The following ATP13A2 variants were observed in gnomAD, a reference collection of about 807,000 sequenced individuals.
ATP13A2 encodes polyamine-transporting ATPase 13A2.
A neutral mutation model predicts 138.3 loss-of-function variants in ATP13A2; 83 were observed. The ratio of observed to expected loss-of-function variants is 0.60; its 90% CI spans 0.50 to 0.72. The LOEUF is 0.72. Ranked by LOEUF, ATP13A2 falls within the 30% of genes least tolerant of loss-of-function variation. The pLI is 0.00. For missense variants in ATP13A2, 1,402 were observed against 1,606.4 expected, an observed-to-expected ratio of 0.87 and a Z score of 2.17; for synonymous variants, 663 against 699.0, an observed-to-expected ratio of 0.95 and a Z score of 0.81.
At chr1:16,996,582 T>C in intron 12 of ATP13A2, 86 bp from the exon 13 acceptor site, 1 of 1,055,394 alleles carries the variant, frequency 9.5e-7, no homozygotes, top group Non-Finnish European at 1.5e-6. Flanking sequence ...CCCGTGCCTC[T>C]GGAGTTGCAA....
rs925873631 is a variant in ATP13A2 at position 16,986,117 on chromosome 1, C to A, written c.*104G>T. 9 of 1,587,148 alleles carry A rather than the reference C, an allele frequency of 5.7e-6. No individual in the cohort carries two copies. Among genetic ancestry groups the A allele is most frequent in the Non-Finnish European group, 7.7e-6 (9 of 1,168,022 alleles). On this transcript the variant is annotated 3_prime_UTR_variant, in exon 29 of 29. Coordinates refer to ENST00000326735, the MANE Select transcript of ATP13A2 (RefSeq NM_022089.4). The surrounding 1 kb of genome is among the most constrained non-coding windows in gnomAD (Gnocchi z 6.9). ...GGGGAGGAGTGTAGACAGTCGCCAACCTCAGGGATGTGGGAGGTGGTGGCG... is the reference window on the plus strand; with the variant it reads ...GGGGAGGAGTGTAGACAGTCGCCAAACTCAGGGATGTGGGAGGTGGTGGCG...
Position 16,986,703 on chromosome 1 carries a change from A to C in ATP13A2, c.3236-71T>G. On this transcript the variant is annotated intron_variant, in intron 27 of 28. Coordinates refer to ENST00000326735, the MANE Select transcript of ATP13A2 (RefSeq NM_022089.4). The surrounding 1 kb of genome is among the most constrained non-coding windows in gnomAD (Gnocchi z 6.9). ...ACCCACAGACACACGTGTGCACGCC[A>C]GTCTTCCACTCGGCCGGCACCTCTC... 5 of 1,569,040 alleles carry C rather than the reference A, an allele frequency of 3.2e-6. No individual in the cohort carries two copies. Among genetic ancestry groups the C allele is most frequent in the Non-Finnish European group, 4.3e-6 (5 of 1,161,716 alleles).
At position 16,995,981 on chromosome 1, in the gene ATP13A2, C is replaced by G; in HGVS notation, c.1537G>C (p.Asp513His). The change falls in exon 15 of 29, where the codon GAC becomes CAC. Residue 513 changes from aspartate (D) to histidine (H), a missense_variant. Asp to His is a moderately conservative substitution (Grantham distance 81). Coordinates refer to ENST00000326735, the MANE Select transcript of ATP13A2 (RefSeq NM_022089.4). This position sits in a 1 kb window ranked among gnomAD's most constrained non-coding sequence, Gnocchi z 4.1. ...AACCCCACCTGCGGCCCCACCTTGT[C>G]GAAACACACCAGCTGCAGCTTGCCC... is the stretch of plus-strand genomic sequence containing the variant. Reference protein sequence around the residue: ...LGGKLQLVCFDKTGTLTEDGL... With the variant: ...LGGKLQLVCFHKTGTLTEDGL... The G allele has an allele frequency of 1.2e-6, 2 of 1,613,964 alleles. No homozygotes were observed. The highest frequency in any genetic ancestry group is 1.7e-6 in the Non-Finnish European group (2 of 1,180,036).
chr1:17,002,391 G>A lies in ATP13A2; in HGVS notation c.558-18C>T, dbSNP rs1177762250. On this transcript the variant is annotated intron_variant, in intron 6 of 28. Coordinates refer to ENST00000326735, the MANE Select transcript of ATP13A2 (RefSeq NM_022089.4). ...CCAGGAGGCTGGGGGTGGGTGCGAGGGGACACGCATGGGCCATGGGGCCTG... is the reference window on the plus strand; with the variant it reads ...CCAGGAGGCTGGGGGTGGGTGCGAGAGGACACGCATGGGCCATGGGGCCTG... 6.2e-7 allele frequency: 1 copy of A among 1,610,886 alleles called. No homozygotes were observed. Among genetic ancestry groups the A allele is most frequent in the African/African-American group, 1.3e-5 (1 of 75,046 alleles).
At chr1:16,999,153 G>A (rs113535056) in intron 11 of ATP13A2, among the ~76,000 whole-genome samples, 2 of 152,108 alleles carry the variant, frequency 1.3e-5, no homozygotes, top group African/African-American at 4.8e-5. Flanking sequence ...GGCTGGGGCG[G>A]GCAGATCACT....
Position 16,997,121 on chromosome 1 carries a change from C to G in ATP13A2, c.1094G>C (p.Cys365Ser). ...TALPEGLGPY[C>S]AETHRRHTLF... ...TGTGTGCCGCCGGTGTGTCTCTGCA[C>G]AGTAGGGCCCCAGCCCCTCCGGCAG... The change falls in exon 12 of 29, where the codon TGT becomes TCT. Residue 365 changes from cysteine to serine, a missense_variant. By Grantham distance (112) the Cys-to-Ser change is moderately radical (BLOSUM62 -1). Transcript: ENST00000326735. 2 of 1,613,756 alleles carry G rather than the reference C, an allele frequency of 1.2e-6. No individual in the cohort carries two copies. The highest frequency in any genetic ancestry group is 1.7e-6 in the Non-Finnish European group (2 of 1,180,032).
chr1:16,999,959 G>T, intron 11 of ATP13A2, 52 bp downstream of exon 11: 1 of 1,551,378 alleles, frequency 6.4e-7, no homozygotes, highest in East Asian at 2.4e-5. Context: ...CAGGGCAAAG[G>T]GTTGGATGGC....
intron 11 of ATP13A2, among the ~76,000 whole-genome samples, chr1:16,997,513 T>A (rs1324249561): frequency 6.7e-6 from 1 of 149,392 alleles, no homozygotes; most frequent in Admixed American, 6.7e-5. Flanking sequence ...TTTTATAACA[T>A]GCATGGAGTG....
chr1:16,991,848 CCA>C lies in ATP13A2; in HGVS notation c.2135_2136del (p.Val712GlyfsTer70), dbSNP rs2076942520. 1.9e-6 allele frequency: 3 copies of C among 1,614,116 alleles called. No homozygotes were observed. Among genetic ancestry groups the C allele is most frequent in the African/African-American group, 1.3e-5 (1 of 75,070 alleles). On this transcript the variant is annotated frameshift_variant, in exon 20 of 29. Transcript: ENST00000326735. LOFTEE classifies it high-confidence loss of function. Reference protein sequence around the residue: ...EAAQQLTRDTVEGDLSLLGLL... With the variant: ...EAAQQLTRDTXEGDLSLLGLL... ...AGCCCCAGGAGGCTCAGGTCTCCTT[CCA>C]CAGTGTCCCTGGAGGGTGGGCAGAC...
chr1:16,987,392 A>C, intron 25 of ATP13A2, 123 bp from the exon 26 acceptor site: 4 of 931,776 alleles, frequency 4.3e-6, no homozygotes, highest in Non-Finnish European at 6.8e-6. Context: ...CCCCAGTCTA[A>C]TGGGGGCCGT....
intron 3 of ATP13A2, 32 bp from the exon 4 acceptor site, chr1:17,005,104 A>G: frequency 6.2e-7 from 1 of 1,612,040 alleles, no homozygotes; most frequent in Non-Finnish European, 8.5e-7. Context: ...TCAGTCTCAG[A>G]AGAGTCCCCT....
chr1:16,990,937 G>A (rs943454229), intron 20 of ATP13A2, among the ~76,000 whole-genome samples: 7 of 151,414 alleles, frequency 4.6e-5, no homozygotes, highest in Non-Finnish European at 8.8e-5. Flanking sequence ...AGCTCCTGCT[G>A]TCTCACCCTA....
chr1:16,989,863 C>G, intron 22 of ATP13A2, 24 bp downstream of exon 22: 1 of 1,609,000 alleles, frequency 6.2e-7, no homozygotes, highest in Admixed American at 1.7e-5. Flanking sequence ...CGCAGGGCGG[C>G]CAGGGAGCTG....
intron 15 of ATP13A2, among the ~76,000 whole-genome samples, 195 bp from the exon 16 acceptor site, chr1:16,994,030 C>A (rs1458874808): frequency 1.3e-5 from 2 of 152,120 alleles, no homozygotes; most frequent in African/African-American, 4.8e-5. Flanking sequence ...TCCCCAGCCC[C>A]CACCGTCTCT....
In ATP13A2 at chr1:17,011,694, G is replaced by T; in HGVS notation, c.10+35C>A. 6.7e-7 allele frequency: 1 copy of T among 1,483,534 alleles called. No individual in the cohort carries two copies. The highest frequency in any genetic ancestry group is 8.9e-7 in the Non-Finnish European group (1 of 1,123,382). 91.9% of individuals were successfully genotyped at this position (1,483,534 alleles called of 1,614,324 possible). On this transcript the variant is annotated intron_variant, in intron 1 of 28. Coordinates refer to ENST00000326735, the MANE Select transcript of ATP13A2 (RefSeq NM_022089.4). The surrounding 1 kb of genome is among the most constrained non-coding windows in gnomAD (Gnocchi z 7.3). ...CGACAACTGGCGGGCCGGGGACCGC[G>T]CCGGGCTCGGGGCCGACCCGGACTC... is the stretch of plus-strand genomic sequence containing the variant.
chr1:16,992,236 C>T lies in ATP13A2; in HGVS notation c.2005+7G>A. On this transcript the variant is annotated splice_region_variant and intron_variant, in intron 18 of 28. Transcript: ENST00000326735. ...AACCAGGGGGACTCAGGGGCTTCCC[C>T]CTGCACCTGTCTCGGGGTTGCAGAG... 6.2e-7 allele frequency: 1 copy of T among 1,612,794 alleles called. No individual in the cohort carries two copies. The highest frequency in any genetic ancestry group is 8.5e-7 in the Non-Finnish European group (1 of 1,179,938).
intron 11 of ATP13A2, among the ~76,000 whole-genome samples, chr1:16,999,168 G>C (rs946461261): frequency 6.6e-6 from 1 of 151,954 alleles, no homozygotes; most frequent in Non-Finnish European, 1.5e-5. Flanking sequence ...ATCACTTGAG[G>C]TCAGGAGTTC....
chr1:17,009,145 G>A (rs867583564), intron 1 of ATP13A2, among the ~76,000 whole-genome samples: 2 of 152,164 alleles, frequency 1.3e-5, no homozygotes, highest in Middle Eastern at 3.4e-3. Context: ...TCTCAAAGCT[G>A]GAACAGGGCT....
Position 16,986,043 on chromosome 1 carries a change from C to T in ATP13A2, c.*178G>A, listed in dbSNP as rs1330053275. ...GCTGCCACCCCTACGCGGGATGGTC[C>T]AAGGTAGGGGACAGTAGTCAACGCT... On this transcript the variant is annotated 3_prime_UTR_variant, in exon 29 of 29. Transcript: ENST00000326735. The surrounding 1 kb of genome is among the most constrained non-coding windows in gnomAD (Gnocchi z 6.9). 6.7e-7 allele frequency: 1 copy of T among 1,488,596 alleles called. No individual in the cohort carries two copies. The highest frequency in any genetic ancestry group is 1.4e-5 in the African/African-American group (1 of 70,340). The allele number at this position is 1,488,596 out of a possible 1,614,324, so 92.2% of individuals were successfully genotyped here. A position where few individuals can be genotyped will look rare whatever the true frequency, so the allele number is the denominator to read the frequency against.
Sources: gnomAD v4.1 joint callset for allele counts (sites outside exome capture counted in the v4.1 genomes callset) on GRCh38, gnomAD v4.1.1 for gene constraint, Gnocchi (gnomAD v3.1) non-coding constraint, MANE v1.5 for transcripts, NCBI Gene and HGNC (gene_info 2026-07-23, HGNC 2026-07-21) for gene names.